The following EPHB2 variants were observed in gnomAD, a reference collection of about 807,000 sequenced individuals.
The protein encoded by EPHB2 is ephrin type-B receptor 2.
EPHB2 carries 18 observed loss-of-function variants against 96.4 expected under a neutral mutation model. That is an observed-to-expected ratio of 0.19 (90% CI 0.13 to 0.28). The LOEUF (loss-of-function observed/expected upper bound fraction) is 0.28. EPHB2 is among the 10% of genes least tolerant of loss of function. EPHB2 has a pLI of 1.00. For missense variants in EPHB2, 989 were observed against 1,355.4 expected (o/e 0.73, Z 4.25); for synonymous variants, 506 against 534.1 (o/e 0.95, Z 0.72).
chr1:22,912,814 A>C (rs1570474925), intron 15 of EPHB2: 1 of 637,452 alleles, frequency 1.6e-6, no homozygotes, highest in Non-Finnish European at 2.8e-6. Context: ...AAATCATAGC[A>C]CCTCCCTCAG....
At chr1:22,771,224 G>A (rs543989537) in intron 1 of EPHB2, among the ~76,000 whole-genome samples, 2 of 152,294 alleles carry the variant, frequency 1.3e-5, no homozygotes, top group African/African-American at 4.8e-5. Flanking sequence ...GGACAGATGA[G>A]TAAAAGAAAG....
chr1:22,854,646 C>T lies in EPHB2; in HGVS notation c.812-8391C>T, dbSNP rs377168888. Among the ~76,000 whole-genome samples, 38 of 151,884 alleles carry T rather than the reference C, an allele frequency of 2.5e-4. 2 individuals carry two copies. The highest frequency in any genetic ancestry group is 1.5e-3 in the Admixed American group (23 of 15,290). ...CATCTCTAAAATGGGAATAACACCT[C>T]CCATTGCACAGGGTGGTCCAAGGAG... is the stretch of plus-strand genomic sequence containing the variant. On this transcript the variant is annotated intron_variant, in intron 3 of 15. Coordinates refer to ENST00000374630, the MANE Select transcript of EPHB2 (RefSeq NM_017449.5).
intron 1 of EPHB2, among the ~76,000 whole-genome samples, chr1:22,722,749 G>C (rs1008805300): frequency 6.6e-6 from 1 of 152,228 alleles, no homozygotes; most frequent in Non-Finnish European, 1.5e-5. Context: ...ACCATGCTAC[G>C]TTGGACCTCT....
At chr1:22,786,075 G>A (rs573500221) in intron 3 of EPHB2, among the ~76,000 whole-genome samples, 39 of 152,296 alleles carry the variant, frequency 2.6e-4, no homozygotes, top group African/African-American at 7.7e-4. Flanking sequence ...TTGCAAACAC[G>A]AGAAGTTTGT....
chr1:22,811,855 A>C (rs1645007006), intron 3 of EPHB2, among the ~76,000 whole-genome samples: 1 of 152,100 alleles, frequency 6.6e-6, no homozygotes, highest in Admixed American at 6.5e-5. Flanking sequence ...CCTGGGCAAC[A>C]TAGTGAGACC....
At chr1:22,718,245 C>A (rs1484425501) in intron 1 of EPHB2, among the ~76,000 whole-genome samples, 2 of 151,928 alleles carry the variant, frequency 1.3e-5, no homozygotes, top group African/African-American at 4.8e-5. Flanking sequence ...TTCTCAAAGG[C>A]CCCCTCCCCA....
rs1640307379 is a variant in EPHB2 at position 22,917,872 on chromosome 1, G to A, written c.*4302G>A. ...TGGGGCTGTCAGGGAGGGCTTCATG[G>A]AGAGGCTGTCTTGAAAATGACAGAG... On this transcript the variant is annotated 3_prime_UTR_variant, in exon 16 of 16. Coordinates refer to ENST00000374630, the MANE Select transcript of EPHB2 (RefSeq NM_017449.5). The A allele has an allele frequency of 6.6e-6, 1 of 152,248 alleles. No homozygotes were observed. Among genetic ancestry groups the A allele is most frequent in the Non-Finnish European group, 1.5e-5 (1 of 68,078 alleles). The allele number at this position is 152,248 out of a possible 1,614,324, so 9.4% of individuals were successfully genotyped here. A position where few individuals can be genotyped will look rare whatever the true frequency, so the allele number is the denominator to read the frequency against.
At chr1:22,744,712 C>T (rs1266631916) in intron 1 of EPHB2, among the ~76,000 whole-genome samples, 1 of 145,832 alleles carries the variant, frequency 6.9e-6, no homozygotes, top group Non-Finnish European at 1.5e-5. Context: ...AAGCATAGGC[C>T]AGGCATGGTG....
At position 22,827,319 on chromosome 1, in the gene EPHB2, A is replaced by G. The variant is rs548739292; in HGVS notation, c.812-35718A>G. ...TTGCATTGAATATATTCATGGCAGG[A>G]ACTGGATTGCTCCCATCTGTGTGTG... On this transcript the variant is annotated intron_variant, in intron 3 of 15. Coordinates refer to ENST00000374630, the MANE Select transcript of EPHB2 (RefSeq NM_017449.5). 3.3e-5 allele frequency among the ~76,000 whole-genome samples: 5 copies of G among 152,312 alleles called. No homozygotes were observed. The South Asian group carries it at 1.0e-3, about 32-fold the overall frequency.
chr1:22,915,483 G>C lies in EPHB2; in HGVS notation c.*1913G>C, dbSNP rs1371390829. The C allele has an allele frequency of 6.6e-6, 1 of 152,162 alleles. No individual in the cohort carries two copies. Among genetic ancestry groups the C allele is most frequent in the Non-Finnish European group, 1.5e-5 (1 of 68,044 alleles). 9.4% of individuals were successfully genotyped at this position (152,162 alleles called of 1,614,324 possible). A position where few individuals can be genotyped will look rare whatever the true frequency, so the allele number is the denominator to read the frequency against. On this transcript the variant is annotated 3_prime_UTR_variant, in exon 16 of 16. Coordinates refer to ENST00000374630, the MANE Select transcript of EPHB2 (RefSeq NM_017449.5). ...AACACATGGAGAACGACAGCTCCAC[G>C]TGGCCTTTCTGGCCCTGGCTTGTCA...
intron 3 of EPHB2, among the ~76,000 whole-genome samples, chr1:22,862,566 C>T (rs6703896): frequency 0.07 from 10,684 of 152,190 alleles, 1,197 homozygotes; most frequent in African/African-American, 0.24. Context: ...TAGTGTCCTC[C>T]TCTATTCTAC....
At chr1:22,753,906 C>T (rs1248725485) in intron 1 of EPHB2, among the ~76,000 whole-genome samples, 1 of 152,166 alleles carries the variant, frequency 6.6e-6, no homozygotes, top group African/African-American at 2.4e-5. Context: ...ACCTCTGCCT[C>T]AAGCCGGGAG....
intron 1 of EPHB2, among the ~76,000 whole-genome samples, chr1:22,760,817 G>C (rs1644225054): frequency 6.6e-6 from 1 of 152,178 alleles, no homozygotes; most frequent in Non-Finnish European, 1.5e-5. Flanking sequence ...AGGATGACAG[G>C]CTTGGGAGGG....
intron 3 of EPHB2, among the ~76,000 whole-genome samples, chr1:22,847,407 T>G (rs1342046582): frequency 6.6e-6 from 1 of 152,190 alleles, no homozygotes; most frequent in Non-Finnish European, 1.5e-5. Context: ...CAATAAATGG[T>G]GGCTGCTGTT....
rs1451379841 is a variant in EPHB2 at position 22,906,807 on chromosome 1, G to A, written c.1986G>A (p.Lys662=). 6 of 1,614,100 alleles carry A rather than the reference G, an allele frequency of 3.7e-6. No homozygotes were observed. The African/African-American group carries it at 8.0e-5, about 22-fold the overall frequency. ...IKTLKSGYTE[K]QRRDFLSEAS... Reference sequence around the variant, plus strand: ...CGCTCAAGTCGGGCTACACGGAGAAGCAGCGCCGGGACTTCCTGAGCGAAG... The same window carrying A: ...CGCTCAAGTCGGGCTACACGGAGAAACAGCGCCGGGACTTCCTGAGCGAAG... The change falls in exon 11 of 16, where the codon AAG becomes AAA. Residue 662 remains lysine, a synonymous_variant. Coordinates refer to ENST00000374630, the MANE Select transcript of EPHB2 (RefSeq NM_017449.5). The surrounding 1 kb of genome is among the most constrained non-coding windows in gnomAD (Gnocchi z 4.8).
chr1:22,853,077 A>G (rs372090177), intron 3 of EPHB2, among the ~76,000 whole-genome samples: 621 of 152,330 alleles, frequency 4.1e-3, no homozygotes, highest in Non-Finnish European at 7.6e-3. Flanking sequence ...TCGGCCGGGC[A>G]CGGTGGCTCA....
chr1:22,782,789 T>C (rs928046970), intron 2 of EPHB2, among the ~76,000 whole-genome samples: 1 of 151,762 alleles, frequency 6.6e-6, no homozygotes, highest in African/African-American at 2.4e-5. Context: ...AAAAAAAAAA[T>C]TAATGCAATG....
At chr1:22,794,028 A>T (rs974334317) in intron 3 of EPHB2, among the ~76,000 whole-genome samples, 10 of 152,194 alleles carry the variant, frequency 6.6e-5, no homozygotes, top group African/African-American at 2.4e-4. Context: ...CCAATCCTGT[A>T]GACCCTATGG....
intron 1 of EPHB2, among the ~76,000 whole-genome samples, chr1:22,714,593 G>T (rs1643244367): frequency 6.6e-6 from 1 of 152,132 alleles, no homozygotes; most frequent in Admixed American, 6.5e-5. Flanking sequence ...GAAGGCTGGG[G>T]AGTTTGGATC....
Sources: allele counts gnomAD v4.1 joint callset (sites outside exome capture counted in the v4.1 genomes callset), GRCh38; gene constraint gnomAD v4.1.1; non-coding constraint Gnocchi (gnomAD v3.1); transcripts MANE v1.5; gene names NCBI Gene and HGNC (gene_info 2026-07-23, HGNC 2026-07-21).